The following AVEN variants were observed in gnomAD, a reference collection of about 807,000 sequenced individuals.
AVEN encodes the protein apoptosis and caspase activation inhibitor, also known as cell death regulator Aven.
A neutral mutation model predicts 38.1 loss-of-function variants in AVEN; 41 were observed. The observed-to-expected ratio is 1.08, with a 90% confidence interval of 0.84 to 1.40. The LOEUF is 1.40. Ranked by LOEUF, AVEN falls within the 40% of genes most tolerant of loss-of-function variation. The pLI, the probability that AVEN is intolerant of heterozygous loss-of-function variation, is 0.00. For synonymous variants in AVEN, 206 were observed against 171.8 expected (o/e 1.20, Z -1.56); for missense variants, 605 against 438.8 (o/e 1.38, Z -3.38).
intron 2 of AVEN, among the ~76,000 whole-genome samples, chr15:33,983,164 G>GTA (rs1555512756): frequency 3.2e-4 from 36 of 111,598 alleles, no homozygotes; most frequent in African/African-American, 1.6e-3. Context: ...GTGTGTATGT[G>GTA]TGTGTGTATA....
At chr15:33,966,534 G>A (rs930089405) in intron 2 of AVEN, among the ~76,000 whole-genome samples, 3 of 152,162 alleles carry the variant, frequency 2.0e-5, no homozygotes, top group African/African-American at 7.2e-5. Context: ...AAAAATGGGA[G>A]CACGGTCCTC....
chr15:34,011,811 G>A (rs1030581394), intron 1 of AVEN, among the ~76,000 whole-genome samples: 2 of 152,188 alleles, frequency 1.3e-5, no homozygotes, highest in African/African-American at 4.8e-5. Flanking sequence ...ATTTGCATCT[G>A]TAGGCAGCCC....
At chr15:34,072,928 C>G (rs1465528656) in intron 1 of AVEN, among the ~76,000 whole-genome samples, 1 of 152,012 alleles carries the variant, frequency 6.6e-6, no homozygotes, top group Non-Finnish European at 1.5e-5. Flanking sequence ...GGATTACACG[C>G]GTGAGCCACC....
intron 2 of AVEN, among the ~76,000 whole-genome samples, chr15:33,908,987 T>C (rs1045292697): frequency 6.6e-6 from 1 of 152,192 alleles, no homozygotes; most frequent in African/African-American, 2.4e-5. Context: ...GCTTCAGAGA[T>C]GCACTGAAGT....
chr15:33,923,017 TTAAAA>T (rs764663114), intron 2 of AVEN, among the ~76,000 whole-genome samples: 3 of 152,172 alleles, frequency 2.0e-5, no homozygotes, highest in Non-Finnish European at 2.9e-5. Flanking sequence ...GAATATCAAC[TTAAAA>T]TAATACTTTA....
chr15:33,865,281 G>A, downstream of AVEN: 1 of 1,310,788 alleles, frequency 7.6e-7, no homozygotes, highest in South Asian at 1.2e-5. Context: ...ATGAAATAAA[G>A]TCCCCTTTTT....
the AVEN span, chr15:33,852,183 A>G: frequency 6.6e-6 from 1 of 152,112 alleles, no homozygotes; most frequent in Non-Finnish European, 1.5e-5. Context: ...AAAGGAAAAC[A>G]AAAGTAAGAA....
chr15:34,065,445 AGGGGGTTGTGGGGTGAGGT>A, intron 4 of AVEN: 1 of 152,106 alleles, frequency 6.6e-6, no homozygotes, highest in South Asian at 2.1e-4. Flanking sequence ...GCCTCCAAGC[AGGGGGTTGTGGGGTGAGGT>A]GGGGGTAGAA....
At chr15:33,983,278 C>T (rs1353248854) in intron 2 of AVEN, among the ~76,000 whole-genome samples, 2 of 150,042 alleles carry the variant, frequency 1.3e-5, no homozygotes, top group African/African-American at 4.9e-5. Flanking sequence ...CAACAAATGA[C>T]AAAAGATAAA....
At chr15:33,877,709 C>T (rs7172839) in intron 2 of AVEN, among the ~76,000 whole-genome samples, 2 of 151,798 alleles carry the variant, frequency 1.3e-5, no homozygotes, top group Non-Finnish European at 2.9e-5. Context: ...CCAGCATTGT[C>T]GGAGGCCGAG....
At chr15:33,875,143 G>T (rs187766060) in intron 3 of AVEN, among the ~76,000 whole-genome samples, 1 of 152,114 alleles carries the variant, frequency 6.6e-6, no homozygotes, top group Non-Finnish European at 1.5e-5. Flanking sequence ...CAGCACATAC[G>T]CTGATGTGGG....
chr15:33,978,346 T>TA (rs1213799798), intron 2 of AVEN, among the ~76,000 whole-genome samples: 1 of 152,034 alleles, frequency 6.6e-6, no homozygotes, highest in African/African-American at 2.4e-5. Flanking sequence ...ATTTAATAAT[T>TA]GGAAATAAAA....
At position 34,056,775 on chromosome 15, in the gene AVEN, G is replaced by A. The variant is rs564926807; in HGVS notation, n.1637+6147C>T. 2.0e-5 allele frequency among the ~76,000 whole-genome samples: 3 copies of A among 152,254 alleles called. No homozygotes were observed. The East Asian group carries it at 5.8e-4, about 29-fold the overall frequency. ...AGGTGTGATGTAATCCCAGCACTTT[G>A]GAAGGTTGAGGCAGGCAGATCACTT... On this transcript the variant is annotated intron_variant and non_coding_transcript_variant, in intron 5 of 11. Transcript: ENST00000675287.
chr15:33,930,124 T>C (rs915579599), intron 2 of AVEN, among the ~76,000 whole-genome samples: 18 of 152,068 alleles, frequency 1.2e-4, no homozygotes, highest in East Asian at 3.9e-4. Context: ...TCCAAAGCAA[T>C]AGAAAAAAAT....
chr15:33,864,830 G>A (rs1889898976), downstream of AVEN: 3 of 298,318 alleles, frequency 1.0e-5, no homozygotes, highest in African/African-American at 2.1e-5. Context: ...CCAGCGGCAT[G>A]GAATCAGCTT....
intron 2 of AVEN, among the ~76,000 whole-genome samples, chr15:33,885,899 T>C (rs896893619): frequency 2.6e-5 from 4 of 152,122 alleles, no homozygotes; most frequent in East Asian, 3.8e-4. Flanking sequence ...CTAGTAAAAA[T>C]TGTCAGATCA....
chr15:33,970,453 A>G (rs1018631216), intron 2 of AVEN, among the ~76,000 whole-genome samples: 1 of 151,964 alleles, frequency 6.6e-6, no homozygotes, highest in African/African-American at 2.4e-5. Flanking sequence ...TTTATTTAGA[A>G]ATCTCAAAAT....
At chr15:33,961,613 A>T (rs188656905) in intron 2 of AVEN, among the ~76,000 whole-genome samples, 1 of 151,526 alleles carries the variant, frequency 6.6e-6, no homozygotes, top group Non-Finnish European at 1.5e-5. Context: ...GGAGATCGAG[A>T]CCATTCTGGC....
At chr15:33,871,263 A>T (rs2153034682) in intron 3 of AVEN, among the ~76,000 whole-genome samples, 1 of 152,226 alleles carries the variant, frequency 6.6e-6, no homozygotes, top group Middle Eastern at 3.4e-3. Context: ...GGCAATGATC[A>T]TCCTCCCATC....
Sources: allele counts gnomAD v4.1 joint callset (sites outside exome capture counted in the v4.1 genomes callset), GRCh38; gene constraint gnomAD v4.1.1; transcripts MANE v1.5; gene names NCBI Gene and HGNC (gene_info 2026-07-23, HGNC 2026-07-21).